The following CERT1 variants were observed in gnomAD, a reference collection of about 807,000 sequenced individuals.
CERT1 encodes the protein ceramide transfer protein.
Under a neutral mutation model 87.9 loss-of-function variants are expected in CERT1, and 31 were observed. The observed-to-expected ratio is 0.35, with a 90% CI of 0.27 to 0.48. The LOEUF is 0.48. CERT1 is among the 20% of genes least tolerant of loss of function. The pLI is 0.99. For synonymous variants in CERT1, 289 were observed against 250.9 expected, an observed-to-expected ratio of 1.15 and a Z score of -1.44; for missense variants, 487 against 758.0, an observed-to-expected ratio of 0.64 and a Z score of 4.20.
At chr5:75,440,595 T>C (rs1313249824) in intron 3 of CERT1, among the ~76,000 whole-genome samples, 1 of 152,134 alleles carries the variant, frequency 6.6e-6, no homozygotes, top group East Asian at 1.9e-4. Flanking sequence ...TTTACAGAAA[T>C]ATCTGAATAG....
chr5:75,489,585 CAG>C (rs746394157), intron 2 of CERT1, among the ~76,000 whole-genome samples: 12 of 152,214 alleles, frequency 7.9e-5, no homozygotes, highest in Admixed American at 1.3e-4. Context: ...TGGATATGAA[CAG>C]ACACTTTTCA....
chr5:75,386,064 G>C (rs1167948042), intron 12 of CERT1, 30 bp from the exon 13 acceptor site: 2 of 1,422,530 alleles, frequency 1.4e-6, no homozygotes, highest in Admixed American at 2.6e-5. Flanking sequence ...AAAACTGTTT[G>C]AAAATTAAAA....
intron 3 of CERT1, among the ~76,000 whole-genome samples, chr5:75,428,454 G>A (rs551751056): frequency 5.3e-5 from 8 of 152,220 alleles, no homozygotes; most frequent in African/African-American, 1.4e-4. Flanking sequence ...CAAGGCGGGC[G>A]GATCATGAGG....
chr5:75,490,991 T>A (rs1766764340), intron 2 of CERT1, among the ~76,000 whole-genome samples: 1 of 152,176 alleles, frequency 6.6e-6, no homozygotes, highest in Non-Finnish European at 1.5e-5. Flanking sequence ...CCAAGTGTTG[T>A]ATATTTTGAG....
intron 2 of CERT1, among the ~76,000 whole-genome samples, chr5:75,463,082 A>G (rs1765307638): frequency 6.6e-6 from 1 of 152,052 alleles, no homozygotes; most frequent in South Asian, 2.1e-4. Flanking sequence ...AGAGTATCAA[A>G]GGAGATAAAG....
intron 11 of CERT1, among the ~76,000 whole-genome samples, chr5:75,394,141 G>A (rs187059974): frequency 2.0e-4 from 31 of 152,314 alleles, no homozygotes; most frequent in African/African-American, 6.0e-4. Context: ...ATAATATTCA[G>A]TGCTACTATA....
intron 3 of CERT1, among the ~76,000 whole-genome samples, chr5:75,454,655 T>C (rs1483942626): frequency 6.6e-6 from 1 of 152,092 alleles, no homozygotes; most frequent in Non-Finnish European, 1.5e-5. Flanking sequence ...CCATCTGAAG[T>C]TGACAACGAC....
intron 11 of CERT1, among the ~76,000 whole-genome samples, chr5:75,393,575 C>T (rs1580708374): frequency 2.2e-5 from 2 of 91,648 alleles, no homozygotes; most frequent in African/African-American, 3.9e-5. Flanking sequence ...GGTTAAGTCT[C>T]GGCAACATAG....
At chr5:75,472,228 G>A (rs116123644) in intron 2 of CERT1, among the ~76,000 whole-genome samples, 2,357 of 152,294 alleles carry the variant, frequency 0.015, 65 homozygotes, top group African/African-American at 0.053. Context: ...TCCACATGCA[G>A]AAGAATGAAA....
intron 3 of CERT1, among the ~76,000 whole-genome samples, chr5:75,455,502 A>G (rs978099848): frequency 6.6e-6 from 1 of 152,204 alleles, no homozygotes; most frequent in Non-Finnish European, 1.5e-5. Context: ...GATTTAAAAA[A>G]TCATGGTCCA....
chr5:75,495,577 C>T (rs1282938850), intron 2 of CERT1, among the ~76,000 whole-genome samples: 1 of 151,330 alleles, frequency 6.6e-6, no homozygotes, highest in Non-Finnish European at 1.5e-5. Context: ...AAAAAAAAGA[C>T]AGAGGCCAAG....
intron 7 of CERT1, among the ~76,000 whole-genome samples, chr5:75,412,391 C>CA (rs1446806492): frequency 2.0e-5 from 3 of 151,932 alleles, no homozygotes; most frequent in Non-Finnish European, 4.4e-5. Context: ...CCCTTATTCC[C>CA]AAAAAAACAC....
At chr5:75,463,283 C>T (rs1364715994) in intron 2 of CERT1, among the ~76,000 whole-genome samples, 5 of 152,112 alleles carry the variant, frequency 3.3e-5, no homozygotes, top group African/African-American at 9.7e-5. Context: ...AAACCCTCTA[C>T]CCCACAATTA....
intron 7 of CERT1, among the ~76,000 whole-genome samples, chr5:75,411,692 C>T (rs1441328958): frequency 6.6e-6 from 1 of 152,004 alleles, no homozygotes; most frequent in Non-Finnish European, 1.5e-5. Context: ...TGCATGTATA[C>T]TTAAAAAGAA....
chr5:75,498,442 G>C (rs1244480722), intron 2 of CERT1, among the ~76,000 whole-genome samples: 1 of 152,218 alleles, frequency 6.6e-6, no homozygotes, highest in Non-Finnish European at 1.5e-5. Flanking sequence ...GCTGGGCCCA[G>C]GGCCTTGCTG....
At chr5:75,467,369 T>C (rs1765500820) in intron 2 of CERT1, among the ~76,000 whole-genome samples, 2 of 152,044 alleles carry the variant, frequency 1.3e-5, no homozygotes, top group South Asian at 4.1e-4. Flanking sequence ...AAGCCGGACG[T>C]GGTAGCTCAC....
At chr5:75,448,938 A>G (rs1435148558) in intron 3 of CERT1, among the ~76,000 whole-genome samples, 1 of 152,202 alleles carries the variant, frequency 6.6e-6, no homozygotes, top group African/African-American at 2.4e-5. Context: ...TAAGCTGAAA[A>G]TCTAGTAACA....
chr5:75,503,338 T>C (rs1237352006), intron 2 of CERT1, among the ~76,000 whole-genome samples: 1 of 151,982 alleles, frequency 6.6e-6, no homozygotes, highest in Non-Finnish European at 1.5e-5. Flanking sequence ...ACATTCTTTG[T>C]ATTCTGACAT....
At chr5:75,454,106 G>T (rs1764870527) in intron 3 of CERT1, among the ~76,000 whole-genome samples, 1 of 152,140 alleles carries the variant, frequency 6.6e-6, no homozygotes. Context: ...TGGAATTATG[G>T]GTGCCCAGGC....
Sources: allele counts gnomAD v4.1 joint callset (sites outside exome capture counted in the v4.1 genomes callset), GRCh38; gene constraint gnomAD v4.1.1; transcripts MANE v1.5; gene names NCBI Gene and HGNC (gene_info 2026-07-23, HGNC 2026-07-21).